The following SEMA3E variants were observed in gnomAD, a reference collection of about 807,000 sequenced individuals.
SEMA3E encodes the protein semaphorin-3E.
SEMA3E carries 49 observed loss-of-function variants against 93.6 expected under a neutral mutation model. The observed-to-expected ratio is 0.52, with a 90% confidence interval of 0.42 to 0.66. SEMA3E has a LOEUF of 0.66. Among genes scored for constraint, SEMA3E ranks in the 30% least tolerant of loss-of-function variants. The pLI, the probability that SEMA3E is intolerant of heterozygous loss-of-function variation, is 0.00. For missense variants in SEMA3E, 906 were observed against 964.8 expected (o/e 0.94, Z 0.81); for synonymous variants, 363 against 330.7 (o/e 1.10, Z -1.06).
intron 5 of SEMA3E, among the ~76,000 whole-genome samples, chr7:83,411,852 A>C (rs1192965574): frequency 6.6e-6 from 1 of 152,318 alleles, no homozygotes; most frequent in African/African-American, 2.4e-5. Flanking sequence ...TTATAACAGA[A>C]GAACTATCTA....
At chr7:83,508,281 A>G (rs922867736) in intron 1 of SEMA3E, among the ~76,000 whole-genome samples, 1 of 148,498 alleles carries the variant, frequency 6.7e-6, no homozygotes, top group Non-Finnish European at 1.5e-5. Context: ...TTTTTTTTGA[A>G]GATGGAGTTT....
intron 4 of SEMA3E, among the ~76,000 whole-genome samples, chr7:83,443,743 T>G (rs1789166743): frequency 6.6e-6 from 1 of 152,042 alleles, no homozygotes; most frequent in South Asian, 2.1e-4. Flanking sequence ...TTAAAGAGTA[T>G]TCAAATATTT....
intron 4 of SEMA3E, 144 bp from the exon 5 acceptor site, chr7:83,418,627 A>C: frequency 1.4e-6 from 1 of 705,294 alleles, no homozygotes; most frequent in Middle Eastern, 3.5e-4. Flanking sequence ...ATTTAGAGAC[A>C]AACTGGGTTT....
intron 10 of SEMA3E, among the ~76,000 whole-genome samples, chr7:83,401,508 C>A (rs1788232337): frequency 6.6e-6 from 1 of 151,994 alleles, no homozygotes; most frequent in Non-Finnish European, 1.5e-5. Context: ...CTCCAAATCT[C>A]CTTTAAGACC....
intron 1 of SEMA3E, among the ~76,000 whole-genome samples, chr7:83,520,452 C>A (rs564310253): frequency 1.3e-5 from 2 of 152,072 alleles, no homozygotes; most frequent in Non-Finnish European, 2.9e-5. Flanking sequence ...CCCAGTTTTT[C>A]CAACACCCTC....
At chr7:83,380,011 C>T (rs1383128249) in intron 16 of SEMA3E, among the ~76,000 whole-genome samples, 1 of 151,792 alleles carries the variant, frequency 6.6e-6, no homozygotes, top group Non-Finnish European at 1.5e-5. Context: ...AACACTGATA[C>T]ACAGCAGGAC....
Position 83,418,476 on chromosome 7 carries a change from A to G in SEMA3E, c.464T>C (p.Leu155Pro), listed in dbSNP as rs1396106227. 6.2e-7 allele frequency: 1 copy of G among 1,610,010 alleles called. No individual in the cohort carries two copies. Among genetic ancestry groups the G allele is most frequent in the East Asian group, 2.2e-5 (1 of 44,836 alleles). Residue 155 changes from leucine to proline, a missense_variant, in exon 5 of 17, where the codon CTG (leucine) becomes CCG (proline). Transcript: ENST00000643230. Reference protein sequence around the residue: ...IRVGYHLEDPLFHLESPRSER... With the variant: ...IRVGYHLEDPPFHLESPRSER... Reference sequence around the variant, plus strand: ...AGATCTGGGTGATTCCAGGTGAAACAGAGGATCCTTGAAAGAAAACCAGAA... The same window carrying G: ...AGATCTGGGTGATTCCAGGTGAAACGGAGGATCCTTGAAAGAAAACCAGAA...
At chr7:83,450,340 C>T (rs140573405) in intron 4 of SEMA3E, among the ~76,000 whole-genome samples, 1 of 152,130 alleles carries the variant, frequency 6.6e-6, no homozygotes, top group East Asian at 1.9e-4. Context: ...AGCACAATTA[C>T]AGCACAATTG....
At chr7:83,647,621 T>C (rs2115730045) in intron 1 of SEMA3E, among the ~76,000 whole-genome samples, 1 of 152,338 alleles carries the variant, frequency 6.6e-6, no homozygotes, top group African/African-American at 2.4e-5. Context: ...GTATTGGTCC[T>C]GATGCAAAAT....
At chr7:83,516,210 G>C (rs149150633) in intron 1 of SEMA3E, among the ~76,000 whole-genome samples, 1 of 151,976 alleles carries the variant, frequency 6.6e-6, no homozygotes. Context: ...TTTATATACT[G>C]GACTAATTTC....
chr7:83,531,428 C>A (rs1791297854), intron 1 of SEMA3E, among the ~76,000 whole-genome samples: 1 of 138,678 alleles, frequency 7.2e-6, no homozygotes, highest in South Asian at 2.5e-4. Context: ...CTCACTGCAA[C>A]CTCTGCTTCC....
chr7:83,545,220 T>C (rs3801541), intron 1 of SEMA3E, among the ~76,000 whole-genome samples: 38,570 of 151,776 alleles, frequency 0.25, 4,911 homozygotes, highest in Middle Eastern at 0.3. Flanking sequence ...ATAAGCTACA[T>C]GGGGGCATAG....
intron 1 of SEMA3E, among the ~76,000 whole-genome samples, chr7:83,561,889 A>G (rs535952513): frequency 7.2e-5 from 11 of 152,288 alleles, no homozygotes; most frequent in Non-Finnish European, 1.3e-4. Context: ...CATAATATCT[A>G]AAGATTGAGT....
rs997950884 is a variant in SEMA3E, at chr7:83,469,236, T to A, written c.336+7A>T. 2 of 1,600,464 alleles carry A rather than the reference T, an allele frequency of 1.2e-6. No individual in the cohort carries two copies. Among genetic ancestry groups the A allele is most frequent in the African/African-American group, 2.7e-5 (2 of 74,662 alleles). On this transcript the variant is annotated splice_region_variant and intron_variant, in intron 3 of 16. Coordinates refer to ENST00000643230, the MANE Select transcript of SEMA3E (RefSeq NM_012431.3). Reference sequence around the variant, plus strand: ...GATTTGTTTAATTTACAATGAATCATACTTACCGCATCTTTTCCCTTCATT... The same window carrying A: ...GATTTGTTTAATTTACAATGAATCAAACTTACCGCATCTTTTCCCTTCATT...
At chr7:83,606,311 A>G (rs1793116638) in intron 1 of SEMA3E, among the ~76,000 whole-genome samples, 1 of 152,180 alleles carries the variant, frequency 6.6e-6, no homozygotes, top group South Asian at 2.1e-4. Flanking sequence ...CAACTTGCCC[A>G]TTTTTGGCAA....
At chr7:83,387,882 A>ATATATATATAACGTTATATATATGTT (rs1562756890) in intron 14 of SEMA3E, among the ~76,000 whole-genome samples, 15 of 142,822 alleles carry the variant, frequency 1.1e-4, no homozygotes, top group African/African-American at 3.5e-4. Context: ...ATATATGTTT[A>ATATATATATAACGTTATATATATGTT]TATATATATA....
chr7:83,473,685 G>T (rs1370800350), intron 2 of SEMA3E, among the ~76,000 whole-genome samples: 4 of 152,204 alleles, frequency 2.6e-5, no homozygotes, highest in Middle Eastern at 3.2e-3. Context: ...CTCTGGAGTT[G>T]AAATGGAACA....
At chr7:83,379,443 TACTACATATAA>T (rs1787732773) in intron 16 of SEMA3E, among the ~76,000 whole-genome samples, 1 of 151,914 alleles carries the variant, frequency 6.6e-6, no homozygotes, top group South Asian at 2.1e-4. Context: ...CTAAATAAGT[TACTACATATAA>T]AGCACTTAGA....
chr7:83,578,556 A>T (rs181172476), intron 1 of SEMA3E, among the ~76,000 whole-genome samples: 141 of 152,290 alleles, frequency 9.3e-4, no homozygotes, highest in African/African-American at 3.2e-3. Flanking sequence ...ACTCCGTCTC[A>T]ACAAAAAAGA....
Sources: gnomAD v4.1 joint callset for allele counts (sites outside exome capture counted in the v4.1 genomes callset) on GRCh38, gnomAD v4.1.1 for gene constraint, MANE v1.5 for transcripts, NCBI Gene and HGNC (gene_info 2026-07-23, HGNC 2026-07-21) for gene names.